CDH13: variants seen among roughly 807,000 people sequenced by gnomAD.
CDH13 encodes the protein cadherin 13.
Under a neutral mutation model 63.8 loss-of-function variants are expected in CDH13, and 24 were observed. The ratio of observed to expected loss-of-function variants is 0.38; its 90% confidence interval spans 0.27 to 0.53. CDH13 has a LOEUF of 0.53. Ranked by LOEUF, CDH13 falls within the 20% of genes least tolerant of loss-of-function variation. CDH13 has a pLI of 0.85. For synonymous variants in CDH13, 503 were observed against 355.3 expected, an observed-to-expected ratio of 1.42 and a Z score of -4.67; for missense variants, 1,049 against 903.1, an observed-to-expected ratio of 1.16 and a Z score of -2.07.
At chr16:82,751,514 A>T (rs16958504) in intron 1 of CDH13, among the ~76,000 whole-genome samples, 3,881 of 152,128 alleles carry the variant, frequency 0.026, 68 homozygotes, top group Middle Eastern at 0.044. Context: ...ACTAGCATGG[A>T]CCAGAGCTCT....
intron 1 of CDH13, among the ~76,000 whole-genome samples, chr16:82,828,234 G>T (rs76807458): frequency 0.014 from 2,202 of 152,288 alleles, 47 homozygotes; most frequent in African/African-American, 0.051. Flanking sequence ...CATTGCCTCT[G>T]CCATGAAGAC....
intron 3 of CDH13, among the ~76,000 whole-genome samples, chr16:83,087,475 C>T (rs76395004): frequency 0.055 from 8,397 of 151,996 alleles, 312 homozygotes; most frequent in African/African-American, 0.11. Context: ...CGAGACCAGC[C>T]TACCCAACAT....
At chr16:83,466,349 A>C (rs2325834) in intron 6 of CDH13, among the ~76,000 whole-genome samples, 2 of 151,886 alleles carry the variant, frequency 1.3e-5, no homozygotes, top group East Asian at 3.9e-4. Context: ...ACATCCAGGC[A>C]AGAGAGTCTA....
rs139784047 is a variant in CDH13, at chr16:83,481,602, C to A, written c.782-4875C>A. 3.5e-3 allele frequency among the ~76,000 whole-genome samples: 537 copies of A among 152,304 alleles called. 3 individuals carry two copies. The highest frequency in any genetic ancestry group is 0.014 in the Middle Eastern group (4 of 294). ...GAAGCGATCACACTTGTTAATCAGCCTGTCAGGCTGGCGGCCGTGTCCTTC... is the reference window on the plus strand; with the variant it reads ...GAAGCGATCACACTTGTTAATCAGCATGTCAGGCTGGCGGCCGTGTCCTTC... On this transcript the variant is annotated intron_variant, in intron 6 of 13. Coordinates refer to ENST00000567109, the MANE Select transcript of CDH13 (RefSeq NM_001257.5).
intron 6 of CDH13, among the ~76,000 whole-genome samples, chr16:83,420,992 G>A (rs555393652): frequency 1.2e-3 from 184 of 152,314 alleles, no homozygotes; most frequent in Non-Finnish European, 5.7e-4. Flanking sequence ...TAGCCATGCC[G>A]ACAGCCAGCT....
chr16:82,937,659 A>G (rs1852381429), intron 2 of CDH13, among the ~76,000 whole-genome samples: 1 of 152,216 alleles, frequency 6.6e-6, no homozygotes, highest in African/African-American at 2.4e-5. Context: ...TTACCTGTTG[A>G]TCCTTCCTAT....
At chr16:82,781,596 C>G (rs1477902697) in intron 1 of CDH13, among the ~76,000 whole-genome samples, 1 of 152,118 alleles carries the variant, frequency 6.6e-6, no homozygotes. Context: ...ATTCACCAAT[C>G]CACCTATTAA....
intron 2 of CDH13, among the ~76,000 whole-genome samples, chr16:82,977,512 T>C (rs893500847): frequency 5.9e-5 from 9 of 152,234 alleles, no homozygotes; most frequent in Middle Eastern, 3.4e-3. Flanking sequence ...ATGGGGCTTT[T>C]CCCCCTTTTG....
At chr16:83,587,053 C>G (rs1906234826) in intron 7 of CDH13, among the ~76,000 whole-genome samples, 1 of 152,144 alleles carries the variant, frequency 6.6e-6, no homozygotes, top group Admixed American at 6.5e-5. Context: ...GTTTCTAAAG[C>G]CACCTGGAAT....
intron 1 of CDH13, among the ~76,000 whole-genome samples, chr16:82,736,742 G>T (rs1482862202): frequency 6.6e-6 from 1 of 152,048 alleles, no homozygotes; most frequent in Non-Finnish European, 1.5e-5. Flanking sequence ...CACCTTCTTA[G>T]GATACACTCA....
intron 4 of CDH13, among the ~76,000 whole-genome samples, chr16:83,203,836 G>A (rs2039103759): frequency 6.6e-6 from 1 of 152,124 alleles, no homozygotes; most frequent in Admixed American, 6.5e-5. Flanking sequence ...GAGTAAGCAT[G>A]TATAGTTCAA....
At chr16:82,847,296 C>G (rs954447066) in intron 1 of CDH13, among the ~76,000 whole-genome samples, 12 of 152,274 alleles carry the variant, frequency 7.9e-5, no homozygotes, top group African/African-American at 2.6e-4. Flanking sequence ...GTCAGAAGTT[C>G]AAAATGGGCT....
intron 10 of CDH13, among the ~76,000 whole-genome samples, chr16:83,729,409 T>G (rs1027540926): frequency 3.3e-5 from 5 of 152,180 alleles, no homozygotes; most frequent in African/African-American, 1.2e-4. Context: ...CAAAAAAATT[T>G]TATTTGCAAA....
chr16:83,237,718 T>C (rs1904276601), intron 5 of CDH13, among the ~76,000 whole-genome samples: 1 of 152,214 alleles, frequency 6.6e-6, no homozygotes, highest in South Asian at 2.1e-4. Context: ...TGAGGCAAGT[T>C]GTTTAATCGT....
At chr16:83,307,250 A>C (rs1269630113) in intron 5 of CDH13, among the ~76,000 whole-genome samples, 1 of 152,174 alleles carries the variant, frequency 6.6e-6, no homozygotes, top group African/African-American at 2.4e-5. Flanking sequence ...CGATAATTCT[A>C]GTTCCCTGGA....
intron 10 of CDH13, among the ~76,000 whole-genome samples, chr16:83,692,292 G>A (rs1005819221): frequency 3.9e-5 from 6 of 152,182 alleles, no homozygotes; most frequent in African/African-American, 1.4e-4. Flanking sequence ...AGCATGGGGA[G>A]GGAGTCTGGC....
intron 3 of CDH13, among the ~76,000 whole-genome samples, chr16:83,042,473 A>G (rs993977474): frequency 2.6e-5 from 4 of 152,192 alleles, no homozygotes; most frequent in African/African-American, 9.7e-5. Context: ...TCGCAGGAAA[A>G]CAAGCTGAGG....
chr16:82,655,673 G>A (rs533567056), intron 1 of CDH13, among the ~76,000 whole-genome samples: 2 of 152,308 alleles, frequency 1.3e-5, no homozygotes, highest in East Asian at 1.9e-4. Flanking sequence ...GAAGCCTACA[G>A]AAGCTTACCT....
At chr16:83,164,141 C>T (rs925014935) in intron 4 of CDH13, among the ~76,000 whole-genome samples, 17 of 150,184 alleles carry the variant, frequency 1.1e-4, no homozygotes, top group African/African-American at 3.9e-4. Context: ...AACACTACAG[C>T]GTAGGTTGCT....
Sources: gnomAD v4.1 joint callset for allele counts (sites outside exome capture counted in the v4.1 genomes callset) on GRCh38, gnomAD v4.1.1 for gene constraint, MANE v1.5 for transcripts, NCBI Gene and HGNC (gene_info 2026-07-23, HGNC 2026-07-21) for gene names.